The following GOLGA3 variants were observed in gnomAD, a reference collection of about 807,000 sequenced individuals.
GOLGA3 encodes golgin A3.
In GOLGA3, 75 loss-of-function variants were observed where a neutral mutation model predicts 169.4. The observed-to-expected ratio is 0.44, with a 90% CI of 0.37 to 0.54. The LOEUF (loss-of-function observed/expected upper bound fraction) is 0.54, where lower values mean the gene tolerates loss of function less well. GOLGA3 is among the 20% of genes least tolerant of loss of function. The pLI, the probability that GOLGA3 is intolerant of heterozygous loss-of-function variation, is 0.00. For missense variants in GOLGA3, 1,899 were observed against 1,930.0 expected, an observed-to-expected ratio of 0.98 and a Z score of 0.30; for synonymous variants, 824 against 822.4, an observed-to-expected ratio of 1.00 and a Z score of -0.03.
At position 132,796,013 on chromosome 12, in the gene GOLGA3, G is replaced by A. The variant is rs1948811138; in HGVS notation, c.2308C>T (p.Leu770Phe). The change falls in exon 11 of 24, where the codon CTC (leucine) becomes TTC (phenylalanine). Residue 770 changes from leucine to phenylalanine, a missense_variant. By Grantham distance (22) the Leu-to-Phe change is conservative (BLOSUM62 0). Coordinates refer to ENST00000450791, the MANE Select transcript of GOLGA3 (RefSeq NM_001389683.1). The stretch of plus-strand genomic sequence containing the variant: ...AAGATGATCTTCTCGTTCTGCAGGA[G>A]GCAGATCGTGTCCTCCCTGGAGGCG... Reference protein sequence around the residue: ...EAASREDTICLLQNEKIILEA... With the variant: ...EAASREDTICFLQNEKIILEA... 6.2e-7 allele frequency: 1 copy of A among 1,613,170 alleles called. No individual in the cohort carries two copies. Among genetic ancestry groups the A allele is most frequent in the Non-Finnish European group, 8.5e-7 (1 of 1,180,010 alleles).
At chr12:132,799,024 C>T (rs1049951705) in intron 8 of GOLGA3, among the ~76,000 whole-genome samples, 1 of 152,206 alleles carries the variant, frequency 6.6e-6, no homozygotes, top group Non-Finnish European at 1.5e-5. Flanking sequence ...CGGCGTCAGC[C>T]AAGGGAAGTA....
rs1167498384 is a variant in GOLGA3, at chr12:132,772,994, AAAAC to A, written c.*107_*110del. 4.8e-6 allele frequency: 4 copies of A among 830,372 alleles called. No homozygotes were observed. The highest frequency in any genetic ancestry group is 7.3e-6 in the Non-Finnish European group (4 of 548,422). The allele number at this position is 830,372 out of a possible 1,614,324, so 51.4% of individuals were successfully genotyped here. The stretch of plus-strand genomic sequence containing the variant: ...ATATATTTTACTTCTTGTTAAAGGC[AAAAC>A]AAAACTTAAATTTCATGTCTTAGAA... On this transcript the variant is annotated 3_prime_UTR_variant, in exon 24 of 24. Transcript: ENST00000450791.
intron 4 of GOLGA3, among the ~76,000 whole-genome samples, 164 bp from the exon 5 acceptor site, chr12:132,808,713 T>TC (rs1949550637): frequency 6.6e-6 from 1 of 152,158 alleles, no homozygotes; most frequent in Admixed American, 6.5e-5. Context: ...AGGCCTCCGA[T>TC]CCGTGGTGGT....
chr12:132,808,448 T>A lies in GOLGA3; in HGVS notation c.621A>T (p.Thr207=). 6.2e-7 allele frequency: 1 copy of A among 1,614,164 alleles called. No homozygotes were observed. Among genetic ancestry groups the A allele is most frequent in the South Asian group, 1.1e-5 (1 of 91,080 alleles). ...NLPRASTLAM[T]KEYSFLRTSV... is the part of the protein sequence containing the mutation. ...TGGTGCGCAGGAAGGAATATTCTTT[T>A]GTCATAGCCAGGGTACTGGCCCTTG... Residue 207 remains threonine, a synonymous_variant, in exon 5 of 24, where the codon ACA becomes ACT. Coordinates refer to ENST00000450791, the MANE Select transcript of GOLGA3 (RefSeq NM_001389683.1).
chr12:132,814,327 A>C (rs1413955703), intron 3 of GOLGA3, among the ~76,000 whole-genome samples: 1 of 152,154 alleles, frequency 6.6e-6, no homozygotes, highest in Non-Finnish European at 1.5e-5. Context: ...CCCGGCAGCA[A>C]GTGCCTTTTA....
At chr12:132,807,134 C>A in intron 6 of GOLGA3, 43 bp downstream of exon 6, 1 of 1,223,468 alleles carries the variant, frequency 8.2e-7, no homozygotes, top group South Asian at 1.3e-5. Flanking sequence ...CACATGCTTT[C>A]CGACTTCGCC....
intron 15 of GOLGA3, among the ~76,000 whole-genome samples, chr12:132,784,924 T>C (rs1490761768): frequency 6.6e-6 from 1 of 152,200 alleles, no homozygotes; most frequent in Admixed American, 6.5e-5. Flanking sequence ...CATGCACGGA[T>C]ACATGCAGGC....
In GOLGA3 at chr12:132,780,819, C is replaced by T; in HGVS notation, c.3561G>A (p.Lys1187=). ...LQASLEKEKE[K]VNSLKEQVAA... is the part of the protein sequence containing the mutation. ...GCACCTGCTCCTTGAGGCTGTTCAC[C>T]TTCTCCTTCTCCTTCTCTAGTGAGG... Residue 1187 remains lysine, a synonymous_variant, in exon 18 of 24, where the codon AAG becomes AAA. Coordinates refer to ENST00000450791, the MANE Select transcript of GOLGA3 (RefSeq NM_001389683.1). 1 of 1,609,208 alleles carries T rather than the reference C, an allele frequency of 6.2e-7. No individual in the cohort carries two copies. Among genetic ancestry groups the T allele is most frequent in the Non-Finnish European group, 8.5e-7 (1 of 1,177,638 alleles).
At chr12:132,826,985 GA>G (rs1950445295) in intron 1 of GOLGA3, among the ~76,000 whole-genome samples, 1 of 152,150 alleles carries the variant, frequency 6.6e-6, no homozygotes, top group African/African-American at 2.4e-5. Context: ...GAAGAGACAG[GA>G]CAAAGCTGTC....
chr12:132,825,722 C>T lies in GOLGA3; in HGVS notation c.-184+3081G>A, dbSNP rs1481034579. The T allele has an allele frequency of 7.2e-6, 11 of 1,527,862 alleles. No homozygotes were observed. The East Asian group carries it at 9.0e-5, about 12-fold the overall frequency. 94.6% of individuals were successfully genotyped at this position (1,527,862 alleles called of 1,614,324 possible). ...GAAGATGGCGGACATTCAGACTGAG[C>T]GTGCCTACCAAAAGCAGCCGACCAT... On this transcript the variant is annotated intron_variant, in intron 1 of 23. Transcript: ENST00000450791.
Position 132,801,874 on chromosome 12 carries a change from G to A in GOLGA3, c.1693C>T (p.Gln565Ter). The change falls in exon 8 of 24, where the codon CAG (glutamine) becomes TAG (stop). Residue 565 changes from glutamine (Q) to a stop codon, truncating the protein, a stop_gained. Transcript: ENST00000450791. LOFTEE classifies it high-confidence loss of function. ...TTLTSKLKASQAEISSLQSVR... is the reference protein window; with the variant it reads ...TTLTSKLKAS ...CTCTGCAGGGACGAGATCTCCGCCT[G>A]CGACGCCTTCAGCTTGCTGGTCAGC... The A allele has an allele frequency of 6.2e-7, 1 of 1,604,980 alleles. No homozygotes were observed. The highest frequency in any genetic ancestry group is 1.3e-5 in the African/African-American group (1 of 75,076).
chr12:132,807,970 C>A lies in GOLGA3; in HGVS notation c.1099G>T (p.Ala367Ser). 5.6e-6 allele frequency: 9 copies of A among 1,613,464 alleles called. No homozygotes were observed. Among genetic ancestry groups the A allele is most frequent in the Non-Finnish European group, 7.6e-6 (9 of 1,179,860 alleles). Residue 367 changes from alanine to serine, a missense_variant, in exon 5 of 24, where the codon GCC (alanine) becomes TCC (serine). Coordinates refer to ENST00000450791, the MANE Select transcript of GOLGA3 (RefSeq NM_001389683.1). ...QFPSIKDVLQ[A>S]AAAEHQDQGQ... Reference sequence around the variant, plus strand: ...TGGTCTTGGTGCTCAGCGGCTGCGGCCTGGAGGACGTCCTTAATGGAGGGG... The same window carrying A: ...TGGTCTTGGTGCTCAGCGGCTGCGGACTGGAGGACGTCCTTAATGGAGGGG...
At position 132,804,304 on chromosome 12, in the gene GOLGA3, C is replaced by T. The variant is rs368011679; in HGVS notation, c.1597+412G>A. Among the ~76,000 whole-genome samples, 34 of 152,210 alleles carry T rather than the reference C, an allele frequency of 2.2e-4. No individual in the cohort carries two copies. Among genetic ancestry groups the T allele is most frequent in the African/African-American group, 7.2e-4 (30 of 41,456 alleles). ...CACTGGACTTTTGAGGCAGGATCAC[C>T]GCAGATACTCCAGGGTCCAAGGTCA... is the stretch of plus-strand genomic sequence containing the variant. On this transcript the variant is annotated intron_variant, in intron 7 of 23. Coordinates refer to ENST00000450791, the MANE Select transcript of GOLGA3 (RefSeq NM_001389683.1). This position sits in a 1 kb window ranked among gnomAD's most constrained non-coding sequence, Gnocchi z 4.1.
At position 132,822,304 on chromosome 12, in the gene GOLGA3, CATG is replaced by C. The variant is rs1199542611; in HGVS notation, c.-179_-177del. The C allele has an allele frequency of 1.5e-6, 2 of 1,354,022 alleles. No homozygotes were observed. The highest frequency in any genetic ancestry group is 1.9e-6 in the Non-Finnish European group (2 of 1,056,230). The allele number at this position is 1,354,022 out of a possible 1,614,324, so 83.9% of individuals were successfully genotyped here. A position where few individuals can be genotyped will look rare whatever the true frequency, so the allele number is the denominator to read the frequency against. Reference sequence around the variant, plus strand: ...GACTTGATGTCAAACCAGCTAATATCATGATACCTGACAGGAGAGAGAGACAAA... The same window carrying C: ...GACTTGATGTCAAACCAGCTAATATCATACCTGACAGGAGAGAGAGACAAA... On this transcript the variant is annotated 5_prime_UTR_variant, in exon 2 of 24. It adds an upstream start codon to the 5' untranslated region. Transcript: ENST00000450791.
intron 22 of GOLGA3, chr12:132,774,798 G>C (rs1369038244): frequency 8.5e-6 from 4 of 467,878 alleles, no homozygotes; most frequent in East Asian, 6.9e-5. Context: ...GATGTGGACC[G>C]AGCACAGAAA....
At chr12:132,821,913 C>A (rs376426149) in intron 2 of GOLGA3, 83 bp downstream of exon 2, 2 of 844,474 alleles carry the variant, frequency 2.4e-6, no homozygotes, top group African/African-American at 3.6e-5. Flanking sequence ...GTGGTCTCAA[C>A]GCCACATCCT....
At chr12:132,785,505 G>C (rs2045850215) in intron 15 of GOLGA3, among the ~76,000 whole-genome samples, 2 of 152,174 alleles carry the variant, frequency 1.3e-5, no homozygotes, top group Non-Finnish European at 2.9e-5. Context: ...TAAATACAGG[G>C]TCTAATTATG....
chr12:132,803,082 AC>A (rs1566114073), intron 7 of GOLGA3, among the ~76,000 whole-genome samples: 32 of 30,806 alleles, frequency 1.0e-3, no homozygotes, highest in East Asian at 4.4e-3. Context: ...AACAACAACA[AC>A]AAAACAACAA....
Position 132,775,541 on chromosome 12 carries a change from A to G in GOLGA3, c.3979-236T>C, listed in dbSNP as rs555552982. Among the ~76,000 whole-genome samples the G allele has an allele frequency of 1.1e-4, 17 of 152,306 alleles. No individual in the cohort carries two copies. The East Asian group carries it at 2.1e-3, about 19-fold the overall frequency. On this transcript the variant is annotated intron_variant, in intron 21 of 23. Transcript: ENST00000450791. ...CAATCCAAAAATTTGAAATGTTCCA[A>G]TGATCATTTCCTTTATCATGTTGAT... is the stretch of plus-strand genomic sequence containing the variant.
Sources: gnomAD v4.1 joint callset for allele counts (sites outside exome capture counted in the v4.1 genomes callset) on GRCh38, gnomAD v4.1.1 for gene constraint, Gnocchi (gnomAD v3.1) non-coding constraint, MANE v1.5 for transcripts, NCBI Gene and HGNC (gene_info 2026-07-23, HGNC 2026-07-21) for gene names.